The following PRKN variants were observed in gnomAD, a reference collection of about 807,000 sequenced individuals.
PRKN encodes E3 ubiquitin-protein ligase parkin.
PRKN carries 56 observed loss-of-function variants against 59.5 expected under a neutral mutation model. The observed-to-expected ratio is 0.94, with a 90% CI of 0.76 to 1.18. The LOEUF (loss-of-function observed/expected upper bound fraction) is 1.18. Ranked by LOEUF, PRKN falls within the 50% of genes most tolerant of loss-of-function variation. PRKN has a pLI of 0.00. For missense variants in PRKN, 657 were observed against 596.4 expected, an observed-to-expected ratio of 1.10 and a Z score of -1.06; for synonymous variants, 250 against 222.1, an observed-to-expected ratio of 1.13 and a Z score of -1.12.
intron 7 of PRKN, among the ~76,000 whole-genome samples, chr6:161,758,830 T>G (rs1485601598): frequency 1.3e-5 from 2 of 152,204 alleles, no homozygotes; most frequent in Non-Finnish European, 2.9e-5. Context: ...GTATACAACC[T>G]GTCTCTTCCG....
At chr6:162,237,579 C>T (rs1778796074) in intron 3 of PRKN, among the ~76,000 whole-genome samples, 1 of 152,098 alleles carries the variant, frequency 6.6e-6, no homozygotes, top group South Asian at 2.1e-4. Flanking sequence ...GTTGAAAATA[C>T]TTCTTGGGTT....
intron 6 of PRKN, among the ~76,000 whole-genome samples, chr6:161,799,385 C>T (rs1356729265): frequency 1.3e-5 from 2 of 152,182 alleles, no homozygotes; most frequent in African/African-American, 2.4e-5. Context: ...CAGAGGTCTG[C>T]AGTAGATGAC....
At chr6:161,383,815 T>C (rs1786106862) in intron 10 of PRKN, among the ~76,000 whole-genome samples, 1 of 152,230 alleles carries the variant, frequency 6.6e-6, no homozygotes, top group Non-Finnish European at 1.5e-5. Context: ...CTGGGTTGGC[T>C]TCTCTCTCCC....
At chr6:162,096,898 G>C (rs1779764837) in intron 4 of PRKN, among the ~76,000 whole-genome samples, 1 of 96,184 alleles carries the variant, frequency 1.0e-5, no homozygotes, top group Non-Finnish European at 1.8e-5. Context: ...GTCTCGTTTT[G>C]CTCTGTCACC....
chr6:161,474,640 G>T (rs1790975540), intron 9 of PRKN, among the ~76,000 whole-genome samples: 1 of 151,864 alleles, frequency 6.6e-6, no homozygotes, highest in Non-Finnish European at 1.5e-5. Flanking sequence ...TGTTGCCCAG[G>T]CTGGAGTGCA....
At position 161,889,470 on chromosome 6, in the gene PRKN, C is replaced by T. The variant is rs561913769; in HGVS notation, c.734+83832G>A. Among the ~76,000 whole-genome samples, 22 of 152,282 alleles carry T rather than the reference C, an allele frequency of 1.4e-4. 1 individual carries two copies. In the South Asian group the frequency reaches 4.4e-3, roughly 30 times the overall value. ...CGCACAGCATCTCAAAGGCATTGCC[C>T]TGAATAAAGGGAGCGCCTTAAAGGT... On this transcript the variant is annotated intron_variant, in intron 6 of 11. Coordinates refer to ENST00000366898, the MANE Select transcript of PRKN (RefSeq NM_004562.3).
At chr6:161,901,145 T>A (rs993677749) in intron 6 of PRKN, among the ~76,000 whole-genome samples, 1 of 152,024 alleles carries the variant, frequency 6.6e-6, no homozygotes, top group Non-Finnish European at 1.5e-5. Context: ...CTCAAACCCC[T>A]GACTCAGGTG....
intron 2 of PRKN, among the ~76,000 whole-genome samples, chr6:162,313,539 A>G (rs1782620041): frequency 6.6e-6 from 1 of 151,910 alleles, no homozygotes; most frequent in African/African-American, 2.4e-5. Context: ...CCAGGCTGGA[A>G]TCCAATGGTG....
At chr6:162,072,160 C>T (rs1373321164) in intron 4 of PRKN, among the ~76,000 whole-genome samples, 3 of 152,030 alleles carry the variant, frequency 2.0e-5, no homozygotes, top group South Asian at 2.1e-4. Context: ...CGGTGGCTCA[C>T]GCCTGTAATC....
intron 9 of PRKN, among the ~76,000 whole-genome samples, chr6:161,534,712 G>A (rs1218301188): frequency 6.6e-6 from 1 of 152,206 alleles, no homozygotes; most frequent in African/African-American, 2.4e-5. Flanking sequence ...ACCTCTGTGT[G>A]CCTGTAGCAT....
rs182865168 is a variant in PRKN, at chr6:162,356,981, C to T, written c.171+86329G>A. Among the ~76,000 whole-genome samples the T allele has an allele frequency of 8.1e-4, 123 of 151,970 alleles. 1 individual carries two copies. Among genetic ancestry groups the T allele is most frequent in the African/African-American group, 2.5e-3 (105 of 41,442 alleles). On this transcript the variant is annotated intron_variant, in intron 2 of 11. Coordinates refer to ENST00000366898, the MANE Select transcript of PRKN (RefSeq NM_004562.3). ...CCTTAACAAAAATCAACTAAAAATG[C>T]GCCATAAACTTCAATATAAAATGCA...
intron 4 of PRKN, among the ~76,000 whole-genome samples, chr6:162,110,663 C>G (rs1441261441): frequency 6.6e-6 from 1 of 152,130 alleles, no homozygotes; most frequent in East Asian, 1.9e-4. Context: ...CACATCTTGT[C>G]TACTAATTGC....
In PRKN at chr6:161,471,469, C is replaced by T. The variant is rs1184814315; in HGVS notation, c.1083+77385G>A. On this transcript the variant is annotated intron_variant, in intron 9 of 11. Coordinates refer to ENST00000366898, the MANE Select transcript of PRKN (RefSeq NM_004562.3). The surrounding 1 kb of genome is among the most constrained non-coding windows in gnomAD (Gnocchi z 4.5). ...CAAACTAAACCAAACCAAATCAAAACAACAAATCTTCAAGACATGAAAAAG... is the reference window on the plus strand; with the variant it reads ...CAAACTAAACCAAACCAAATCAAAATAACAAATCTTCAAGACATGAAAAAG... Among the ~76,000 whole-genome samples, 1 of 152,030 alleles carries T rather than the reference C, an allele frequency of 6.6e-6. No individual in the cohort carries two copies. Among genetic ancestry groups the T allele is most frequent in the African/African-American group, 2.4e-5 (1 of 41,390 alleles).
chr6:162,469,645 C>T (rs368095529), intron 1 of PRKN, among the ~76,000 whole-genome samples: 4 of 152,136 alleles, frequency 2.6e-5, no homozygotes, highest in East Asian at 1.9e-4. Flanking sequence ...AACCAAATAT[C>T]GTATGTTCTC....
chr6:162,378,885 C>T (rs1786273463), intron 2 of PRKN, among the ~76,000 whole-genome samples: 1 of 152,170 alleles, frequency 6.6e-6, no homozygotes, highest in Non-Finnish European at 1.5e-5. Flanking sequence ...GGGGATTCCA[C>T]ACTTGGCTGT....
chr6:161,400,978 C>CTGT lies in PRKN; in HGVS notation c.1084-14104_1084-14102dup, dbSNP rs568592540. On this transcript the variant is annotated intron_variant, in intron 9 of 11. Transcript: ENST00000366898. This position sits in a 1 kb window ranked among gnomAD's most constrained non-coding sequence, Gnocchi z 4.2. ...TCCAGGCCATTACTCAAGGGGAAGA[C>CTGT]TGTTGATCAGAGTACACTGCAAACA... Among the ~76,000 whole-genome samples the CTGT allele has an allele frequency of 1.4e-3, 212 of 152,296 alleles. No individual in the cohort carries two copies. Among genetic ancestry groups the CTGT allele is most frequent in the African/African-American group, 4.9e-3 (204 of 41,558 alleles).
intron 2 of PRKN, among the ~76,000 whole-genome samples, chr6:162,317,760 C>G (rs1782812841): frequency 6.6e-6 from 1 of 151,986 alleles, no homozygotes; most frequent in Admixed American, 6.6e-5. Flanking sequence ...GGTCGAGATA[C>G]ATCCCATTCA....
chr6:162,717,385 T>C (rs530682760), intron 1 of PRKN, among the ~76,000 whole-genome samples: 3 of 152,084 alleles, frequency 2.0e-5, no homozygotes, highest in African/African-American at 7.2e-5. Flanking sequence ...AAGACTAGTC[T>C]GGGCAACATA....
chr6:162,488,020 C>T (rs1423882806), intron 1 of PRKN, among the ~76,000 whole-genome samples: 1 of 143,906 alleles, frequency 6.9e-6, no homozygotes, highest in Non-Finnish European at 1.5e-5. Flanking sequence ...CTACATCCAC[C>T]ATTTCCCTTT....
Sources: gnomAD v4.1 joint callset for allele counts (sites outside exome capture counted in the v4.1 genomes callset) on GRCh38, gnomAD v4.1.1 for gene constraint, Gnocchi (gnomAD v3.1) non-coding constraint, MANE v1.5 for transcripts, NCBI Gene and HGNC (gene_info 2026-07-23, HGNC 2026-07-21) for gene names.